Variants in ZNF131 observed in about 807,000 individuals in gnomAD.
ZNF131 encodes zinc finger and BTB domain containing 35.
Under a neutral mutation model 60.0 loss-of-function variants are expected in ZNF131, and 7 were observed. The observed-to-expected ratio is 0.12, with a 90% CI of 0.07 to 0.22. ZNF131 has a LOEUF of 0.22. Among genes scored for constraint, ZNF131 ranks in the 10% least tolerant of loss-of-function variants. The pLI is 1.00. For synonymous variants in ZNF131, 257 were observed against 253.2 expected (o/e 1.01, Z -0.14); for missense variants, 493 against 740.9 (o/e 0.67, Z 3.88).
chr5:43,135,814 A>G (rs1233812070), intron 3 of ZNF131, among the ~76,000 whole-genome samples: 2 of 151,504 alleles, frequency 1.3e-5, no homozygotes, highest in African/African-American at 4.9e-5. Context: ...TGAGCATCTC[A>G]AATTTGAAAA....
At chr5:43,171,689 C>T (rs979040888) in intron 5 of ZNF131, among the ~76,000 whole-genome samples, 4 of 152,232 alleles carry the variant, frequency 2.6e-5, no homozygotes, top group South Asian at 2.1e-4. Context: ...GTGGTGTGAT[C>T]TCAGCCTACT....
intron 3 of ZNF131, chr5:43,124,507 G>A (rs1473343748): frequency 1.3e-5 from 2 of 152,112 alleles, no homozygotes; most frequent in African/African-American, 4.8e-5. Flanking sequence ...TAGCATTATA[G>A]CTGATATATT....
At chr5:43,153,946 CTG>C (rs1181059511) in intron 4 of ZNF131, among the ~76,000 whole-genome samples, 6 of 152,166 alleles carry the variant, frequency 3.9e-5, no homozygotes, top group Non-Finnish European at 7.4e-5. Flanking sequence ...AGTACCTTGA[CTG>C]TTATTGATTA....
chr5:43,146,372 G>A (rs1747578119), intron 4 of ZNF131, among the ~76,000 whole-genome samples: 1 of 152,162 alleles, frequency 6.6e-6, no homozygotes, highest in African/African-American at 2.4e-5. Context: ...CGGATATGAG[G>A]TCAGGAGATC....
chr5:43,170,871 A>C (rs1477965569), intron 5 of ZNF131, among the ~76,000 whole-genome samples: 1 of 148,942 alleles, frequency 6.7e-6, no homozygotes, highest in Non-Finnish European at 1.5e-5. Context: ...TCCTGACCTT[A>C]TGATCCACCC....
At chr5:43,146,382 C>T (rs759159111) in intron 4 of ZNF131, among the ~76,000 whole-genome samples, 2 of 152,018 alleles carry the variant, frequency 1.3e-5, no homozygotes, top group South Asian at 2.1e-4. Context: ...GTCAGGAGAT[C>T]GAGACCATCC....
At chr5:43,138,946 A>G (rs1746471427) in intron 3 of ZNF131, among the ~76,000 whole-genome samples, 1 of 152,228 alleles carries the variant, frequency 6.6e-6, no homozygotes, top group South Asian at 2.1e-4. Flanking sequence ...CTGTTCTCCA[A>G]GAGCCTCAGG....
intron 4 of ZNF131, among the ~76,000 whole-genome samples, chr5:43,154,594 G>A (rs771861349): frequency 1.4e-5 from 2 of 145,948 alleles, no homozygotes; most frequent in Admixed American, 1.4e-4. Context: ...CAAGTCTGAC[G>A]TAACAGTGGC....
chr5:43,162,190 G>GTT (rs1176675278), intron 5 of ZNF131, among the ~76,000 whole-genome samples: 1 of 152,186 alleles, frequency 6.6e-6, no homozygotes, highest in Non-Finnish European at 1.5e-5. Flanking sequence ...AGAGAAAATA[G>GTT]TTTGTGACTT....
chr5:43,157,502 T>TA (rs1318495071), intron 4 of ZNF131, among the ~76,000 whole-genome samples: 2 of 152,126 alleles, frequency 1.3e-5, no homozygotes, highest in African/African-American at 4.8e-5. Context: ...ACCAGATTGA[T>TA]AAAAGAGTCT....
intron 5 of ZNF131, 103 bp downstream of exon 5, chr5:43,162,034 T>C (rs1040431080): frequency 9.0e-7 from 1 of 1,107,618 alleles, no homozygotes; most frequent in Non-Finnish European, 1.3e-6. Context: ...AGCCATCTCA[T>C]GTATTATCTC....
In ZNF131 at chr5:43,122,079, G is replaced by A; in HGVS notation, c.26G>A (p.Cys9Tyr). Residue 9 changes from cysteine (C) to tyrosine (Y), a missense_variant, in exon 2 of 7, where the codon TGC becomes TAC. Physicochemically the swap from Cys to Tyr is radical, Grantham distance 194 (BLOSUM62 -2). Transcript: ENST00000682664. ...ATGGAGGCTGAAGAGACGATGGAAT[G>A]CCTTCAGGAGTTCCCTGAACATCAT... Reference protein sequence around the residue: MEAEETMECLQEFPEHHKM... With the variant: MEAEETMEYLQEFPEHHKM... 6.2e-7 allele frequency: 1 copy of A among 1,613,996 alleles called. No homozygotes were observed. Among genetic ancestry groups the A allele is most frequent in the Non-Finnish European group, 8.5e-7 (1 of 1,179,990 alleles).
chr5:43,123,101 T>A lies in ZNF131; in HGVS notation c.125-108T>A, dbSNP rs1028487075. ...TTCAATAATTTCTGTAGTTACGTAA[T>A]GAAGGAAGACCTATTTTGCTTTATA... On this transcript the variant is annotated intron_variant, in intron 2 of 6. Transcript: ENST00000682664. The A allele has an allele frequency of 5.3e-6, 4 of 753,496 alleles. No individual in the cohort carries two copies. The African/African-American group carries it at 7.2e-5, about 14-fold the overall frequency. 46.7% of individuals were successfully genotyped at this position (753,496 alleles called of 1,614,324 possible).
chr5:43,161,898 G>T lies in ZNF131; in HGVS notation c.1021G>T (p.Gly341Ter). 1 of 1,601,822 alleles carries T rather than the reference G, an allele frequency of 6.2e-7. No homozygotes were observed. The highest frequency in any genetic ancestry group is 1.1e-5 in the South Asian group (1 of 88,772). The change falls in exon 5 of 7, where the codon GGA becomes TGA. Residue 341 changes from glycine to a stop codon, truncating the protein, a stop_gained. Coordinates refer to ENST00000682664, the MANE Select transcript of ZNF131 (RefSeq NM_001330707.2). LOFTEE classifies it high-confidence loss of function. ...CTGTGAGAAACAGTTTGACCATTTTGGACATTTTAAAGAACATCTTCGAAA... is the reference window on the plus strand; with the variant it reads ...CTGTGAGAAACAGTTTGACCATTTTTGACATTTTAAAGAACATCTTCGAAA... ...QYCEKQFDHF[G>*]HFKEHLRKHT...
chr5:43,141,872 A>AAT (rs1247649195), intron 4 of ZNF131, among the ~76,000 whole-genome samples: 1 of 152,176 alleles, frequency 6.6e-6, no homozygotes, highest in African/African-American at 2.4e-5. Context: ...ATAGGCATGT[A>AAT]ATATGTTCTG....
rs182185176 is a variant in ZNF131, at chr5:43,166,524, C to A, written c.1054+4593C>A. Among the ~76,000 whole-genome samples the A allele has an allele frequency of 1.3e-4, 19 of 151,752 alleles. No homozygotes were observed. The East Asian group carries it at 2.7e-3, about 22-fold the overall frequency. Reference sequence around the variant, plus strand: ...TACAGGTGCCCGCTACCATGCCTGGCTAATTTTTTGTATTTTTAGTAGAGA... The same window carrying A: ...TACAGGTGCCCGCTACCATGCCTGGATAATTTTTTGTATTTTTAGTAGAGA... On this transcript the variant is annotated intron_variant, in intron 5 of 6. Coordinates refer to ENST00000682664, the MANE Select transcript of ZNF131 (RefSeq NM_001330707.2).
Position 43,170,480 on chromosome 5 carries a change from A to C in ZNF131, c.1055-2838A>C, listed in dbSNP as rs981112484. ...ACTGCTGGAGGAAATTCATATCTCA[A>C]ACCTTAAGCACTTCAGTGTCTGATT... is the stretch of plus-strand genomic sequence containing the variant. On this transcript the variant is annotated intron_variant, in intron 5 of 6. Coordinates refer to ENST00000682664, the MANE Select transcript of ZNF131 (RefSeq NM_001330707.2). Among the ~76,000 whole-genome samples the C allele has an allele frequency of 3.9e-5, 6 of 152,098 alleles. No homozygotes were observed. In the East Asian group the frequency reaches 7.7e-4, roughly 20 times the overall value.
At chr5:43,154,855 C>T (rs568057451) in intron 4 of ZNF131, among the ~76,000 whole-genome samples, 1 of 152,272 alleles carries the variant, frequency 6.6e-6, no homozygotes, top group East Asian at 1.9e-4. Flanking sequence ...GCCCCAGAGG[C>T]GTGGATGTCT....
chr5:43,172,149 C>A (rs1751071784), intron 5 of ZNF131, among the ~76,000 whole-genome samples: 1 of 152,254 alleles, frequency 6.6e-6, no homozygotes, highest in South Asian at 2.1e-4. Context: ...CCAATTACAT[C>A]ACTGGTTAAA....
Sources: allele counts gnomAD v4.1 joint callset (sites outside exome capture counted in the v4.1 genomes callset), GRCh38; gene constraint gnomAD v4.1.1; transcripts MANE v1.5; gene names NCBI Gene and HGNC (gene_info 2026-07-23, HGNC 2026-07-21).